The following APOL3 variants were observed in gnomAD, a reference collection of about 807,000 sequenced individuals.
APOL3 encodes the protein TNF-inducible protein CG12-1.
A neutral mutation model predicts 11.6 loss-of-function variants in APOL3; 14 were observed. That is an observed-to-expected ratio of 1.21 (90% CI 0.80 to 1.89). The LOEUF (loss-of-function observed/expected upper bound fraction) is 1.89. APOL3 is among the 40% of genes most tolerant of loss of function. APOL3 has a pLI of 0.00. For missense variants in APOL3, 483 were observed against 492.1 expected (o/e 0.98, Z 0.17); for synonymous variants, 192 against 190.6 (o/e 1.01, Z -0.06).
intron 1 of APOL3, among the ~76,000 whole-genome samples, chr22:36,158,782 A>G (rs2013318016): frequency 6.6e-6 from 1 of 151,976 alleles, no homozygotes; most frequent in South Asian, 2.1e-4. Context: ...TGCTACTTGC[A>G]CTCCAGCCTG....
chr22:36,145,009 CAAAAAAAAAAAAAAAAGAAA>C (rs1169194371), intron 2 of APOL3, among the ~76,000 whole-genome samples: 2 of 37,936 alleles, frequency 5.3e-5, no homozygotes, highest in Non-Finnish European at 1.6e-4. Flanking sequence ...GACTCTGTCT[CAAAAAAAAAAAAAAAAGAAA>C]AAAAAAGAAA....
intron 1 of APOL3, among the ~76,000 whole-genome samples, chr22:36,145,927 C>G (rs1283167456): frequency 1.3e-5 from 2 of 151,312 alleles, no homozygotes; most frequent in East Asian, 4.0e-4. Flanking sequence ...CTCCTCACCC[C>G]ACCCCGCCCT....
At chr22:36,149,254 C>A in intron 1 of APOL3, 112 bp from the exon 2 acceptor site, 1 of 1,305,206 alleles carries the variant, frequency 7.7e-7, no homozygotes, top group Non-Finnish European at 1.0e-6. Flanking sequence ...AATGCCAAGA[C>A]CAACCTAGCC....
At chr22:36,155,861 T>A (rs1292118071) in intron 1 of APOL3, 1 of 159,104 alleles carries the variant, frequency 6.3e-6, no homozygotes. Flanking sequence ...GGACACAGCA[T>A]GTCCTCCCTG....
intron 1 of APOL3, chr22:36,149,114 A>C: frequency 7.3e-7 from 1 of 1,368,052 alleles, no homozygotes; most frequent in South Asian, 1.1e-5. Context: ...CACTGACCTG[A>C]CTGGAAGGGT....
At chr22:36,141,054 C>T (rs2059965358) in exon 3 of APOL3, 2 of 1,225,116 alleles carry the variant, frequency 1.6e-6, no homozygotes, top group African/African-American at 1.5e-5. Flanking sequence ...CCCTCCCCTG[C>T]TGTGCTCAGC....
rs202197310 is a variant in APOL3 at position 36,142,073 on chromosome 22, G to A, written c.351-15C>T. 3.8e-6 allele frequency: 6 copies of A among 1,576,832 alleles called. No individual in the cohort carries two copies. The highest frequency in any genetic ancestry group is 5.2e-6 in the Non-Finnish European group (6 of 1,163,176). On this transcript the variant is annotated splice_polypyrimidine_tract_variant and intron_variant, in intron 2 of 2. Transcript: ENST00000349314. ...CTGCCTCATCCCTGTACCAATAAAG[G>A]ACAGATGATTAAGAAAGGCAGCTTA...
intron 1 of APOL3, chr22:36,159,113 GC>G (rs2013383707): frequency 6.6e-6 from 1 of 152,142 alleles, no homozygotes; most frequent in Non-Finnish European, 1.5e-5. Flanking sequence ...GAGGAGCCAG[GC>G]CCACCCTCTC....
At chr22:36,150,498 A>G (rs1351908934) in intron 1 of APOL3, among the ~76,000 whole-genome samples, 2 of 152,352 alleles carry the variant, frequency 1.3e-5, no homozygotes, top group Non-Finnish European at 2.9e-5. Context: ...GAAATCTACT[A>G]AGGTGTAAAG....
At chr22:36,140,995 G>A in exon 3 of APOL3, 1 of 665,012 alleles carries the variant, frequency 1.5e-6, no homozygotes, top group Non-Finnish European at 2.5e-6. Flanking sequence ...CTTATTCCAG[G>A]CTCCAGCATT....
chr22:36,152,739 A>G (rs1192903752), intron 1 of APOL3, among the ~76,000 whole-genome samples: 1 of 152,172 alleles, frequency 6.6e-6, no homozygotes, highest in African/African-American at 2.4e-5. Context: ...CAAGTGCCCA[A>G]TCTCCAGAGC....
In APOL3 at chr22:36,145,245, G is replaced by A. The variant is rs1015171793; in HGVS notation, c.350+228C>T. Among the ~76,000 whole-genome samples, 7 of 152,290 alleles carry A rather than the reference G, an allele frequency of 4.6e-5. No homozygotes were observed. In the East Asian group the frequency reaches 5.8e-4, roughly 13 times the overall value. ...GCAAAGCTCCCATCACCAGTAGATG[G>A]CAGAACTGACCCTGCCCTTGTGGGC... On this transcript the variant is annotated intron_variant, in intron 2 of 2. Coordinates refer to ENST00000349314, the Ensembl canonical transcript of APOL3.
chr22:36,149,588 A>G (rs1603475007), intron 1 of APOL3, among the ~76,000 whole-genome samples: 2 of 152,320 alleles, frequency 1.3e-5, no homozygotes, highest in Admixed American at 1.3e-4. Context: ...CGATGATCAC[A>G]CACAGGCCAG....
At chr22:36,163,445 T>C (rs1191333948), upstream of APOL3, among the ~76,000 whole-genome samples, 1 of 152,198 alleles carries the variant, frequency 6.6e-6, no homozygotes, top group Non-Finnish European at 1.5e-5. Flanking sequence ...CACACTGCCA[T>C]AGGCAGCAGC....
At chr22:36,145,632 A>G in intron 1 of APOL3, 33 bp from the exon 3 acceptor site, 1 of 1,610,550 alleles carries the variant, frequency 6.2e-7, no homozygotes. Context: ...AGATTGGAAG[A>G]AAGTGTGCTA....
upstream of APOL3, chr22:36,165,574 A>G (rs939668893): frequency 3.3e-5 from 5 of 152,166 alleles, no homozygotes; most frequent in Non-Finnish European, 7.3e-5. Flanking sequence ...TATACAACTT[A>G]TAGCTTTCAA....
chr22:36,163,982 A>G (rs990946457), upstream of APOL3, among the ~76,000 whole-genome samples: 2 of 152,178 alleles, frequency 1.3e-5, no homozygotes, highest in Non-Finnish European at 2.9e-5. Context: ...TTATTCTCAT[A>G]TATTTGCAGT....
chr22:36,156,940 GC>G (rs1354861505), intron 1 of APOL3: 2 of 456,108 alleles, frequency 4.4e-6, no homozygotes, highest in African/African-American at 4.0e-5. Context: ...GGACAACATG[GC>G]CCAGCTTCAG....
chr22:36,147,859 C>A (rs763537622), intron 1 of APOL3, among the ~76,000 whole-genome samples: 2 of 152,148 alleles, frequency 1.3e-5, no homozygotes, highest in Non-Finnish European at 2.9e-5. Flanking sequence ...AAGGCTGTAA[C>A]CCCCCTTAAA....
Sources: allele counts gnomAD v4.1 joint callset (sites outside exome capture counted in the v4.1 genomes callset), GRCh38; gene constraint gnomAD v4.1.1; transcripts MANE v1.5; gene names NCBI Gene and HGNC (gene_info 2026-07-23, HGNC 2026-07-21).